The following SNX27 variants were observed in gnomAD, a reference collection of about 807,000 sequenced individuals.
The protein encoded by SNX27 is sorting nexin 27, also known as sorting nexin-27.
In SNX27, 22 loss-of-function variants were observed where a neutral mutation model predicts 71.6. The observed-to-expected ratio is 0.31, with a 90% CI of 0.22 to 0.44. SNX27 has a LOEUF of 0.44. Ranked by LOEUF, SNX27 falls within the 20% of genes least tolerant of loss-of-function variation. The probability of loss-of-function intolerance (pLI) is 1.00; values close to 1 mark genes in which losing one functional copy is unlikely to be tolerated. For synonymous variants in SNX27, 269 were observed against 277.2 expected (o/e 0.97, Z 0.29); for missense variants, 531 against 698.6 (o/e 0.76, Z 2.70).
At chr1:151,634,486 G>A (rs1445102112) in intron 1 of SNX27, among the ~76,000 whole-genome samples, 1 of 152,078 alleles carries the variant, frequency 6.6e-6, no homozygotes, top group Non-Finnish European at 1.5e-5. Flanking sequence ...AAATGTTTAT[G>A]TTAGCTTTGC....
intron 7 of SNX27, chr1:151,677,494 A>G (rs1487335161): frequency 6.6e-6 from 1 of 152,214 alleles, no homozygotes; most frequent in Non-Finnish European, 1.5e-5. Flanking sequence ...AACATTGCTG[A>G]GATCTGTTTT....
chr1:151,639,894 A>G (rs1668648923), intron 2 of SNX27, among the ~76,000 whole-genome samples: 1 of 152,206 alleles, frequency 6.6e-6, no homozygotes, highest in Non-Finnish European at 1.5e-5. Flanking sequence ...AGAAATGTTC[A>G]TTATTCTTAG....
chr1:151,691,760 C>T (rs1427376804), intron 8 of SNX27, among the ~76,000 whole-genome samples: 2 of 151,990 alleles, frequency 1.3e-5, no homozygotes, highest in Admixed American at 6.6e-5. Context: ...GTGATCCACC[C>T]GCCTCGGCCT....
intron 1 of SNX27, among the ~76,000 whole-genome samples, chr1:151,635,002 T>A (rs534425963): frequency 1.6e-4 from 25 of 152,356 alleles, no homozygotes; most frequent in Admixed American, 1.4e-3. Context: ...TCCAGTGGTC[T>A]TGTGAAGCTG....
chr1:151,641,660 CAG>C (rs1558046632), intron 2 of SNX27, among the ~76,000 whole-genome samples: 2 of 109,762 alleles, frequency 1.8e-5, no homozygotes, highest in African/African-American at 6.6e-5. Context: ...TCATATGTAT[CAG>C]ATATATATAT....
chr1:151,646,573 A>G (rs1394757314), intron 2 of SNX27, among the ~76,000 whole-genome samples: 1 of 149,250 alleles, frequency 6.7e-6, no homozygotes, highest in Non-Finnish European at 1.5e-5. Flanking sequence ...TTCAAATTAT[A>G]TATTTGAATT....
At position 151,612,315 on chromosome 1, in the gene SNX27, C is replaced by T. The variant is rs1439742592; in HGVS notation, c.114C>T (p.Gly38=). ...LHCAGNGGGG[G]GGPRVVRIVK... is the part of the protein sequence containing the mutation. ...GCGCCGGGAACGGCGGCGGGGGAGG[C>T]GGCGGCCCGCGGGTCGTGCGCATCG... The change falls in exon 1 of 12, where the codon GGC becomes GGT. Residue 38 remains glycine, a synonymous_variant. Coordinates refer to ENST00000458013, the MANE Select transcript of SNX27 (RefSeq NM_001330723.2). The surrounding 1 kb of genome is among the most constrained non-coding windows in gnomAD (Gnocchi z 5.2). 3 of 1,520,420 alleles carry T rather than the reference C, an allele frequency of 2.0e-6. No homozygotes were observed. Among genetic ancestry groups the T allele is most frequent in the South Asian group, 2.5e-5 (2 of 80,860 alleles). The allele number at this position is 1,520,420 out of a possible 1,614,324, so 94.2% of individuals were successfully genotyped here. A position where few individuals can be genotyped will look rare whatever the true frequency, so the allele number is the denominator to read the frequency against.
At chr1:151,665,152 G>A (rs1670137204) in intron 5 of SNX27, among the ~76,000 whole-genome samples, 1 of 152,072 alleles carries the variant, frequency 6.6e-6, no homozygotes, top group African/African-American at 2.4e-5. Flanking sequence ...TTATATTGAG[G>A]TTGATCTTGA....
intron 8 of SNX27, 49 bp downstream of exon 8, chr1:151,683,494 T>A: frequency 1.5e-6 from 2 of 1,374,396 alleles, no homozygotes; most frequent in Non-Finnish European, 2.0e-6. Flanking sequence ...TTCCTACCTT[T>A]AAAACCTATA....
chr1:151,642,336 G>A (rs1485772169), intron 2 of SNX27, among the ~76,000 whole-genome samples: 4 of 151,198 alleles, frequency 2.6e-5, no homozygotes, highest in Admixed American at 6.6e-5. Context: ...GCAGTGAGCC[G>A]AGATTGTGCC....
At chr1:151,638,169 G>T (rs1668556449) in intron 1 of SNX27, among the ~76,000 whole-genome samples, 1 of 152,202 alleles carries the variant, frequency 6.6e-6, no homozygotes, top group African/African-American at 2.4e-5. Context: ...AATTATAGGT[G>T]TATATTTTTT....
chr1:151,647,963 G>A (rs1414450432), intron 2 of SNX27, among the ~76,000 whole-genome samples: 5 of 151,018 alleles, frequency 3.3e-5, no homozygotes, highest in African/African-American at 1.2e-4. Context: ...TGTTTGTTGA[G>A]AAAAAATAAA....
intron 3 of SNX27, among the ~76,000 whole-genome samples, chr1:151,659,348 A>G (rs1329503287): frequency 1.3e-5 from 2 of 152,014 alleles, no homozygotes; most frequent in African/African-American, 2.4e-5. Flanking sequence ...CCCAGGTTCA[A>G]GCGATTCTCC....
intron 7 of SNX27, among the ~76,000 whole-genome samples, chr1:151,681,845 C>T (rs1003764863): frequency 2.0e-5 from 3 of 151,546 alleles, no homozygotes; most frequent in Admixed American, 6.8e-5. Context: ...TTAATTGTCT[C>T]CTGTTCCCTT....
intron 2 of SNX27, among the ~76,000 whole-genome samples, chr1:151,650,404 C>T (rs1669269798): frequency 6.6e-6 from 1 of 151,998 alleles, no homozygotes. Flanking sequence ...ATTTGTCCTG[C>T]TTGAGGAATA....
chr1:151,670,160 C>G (rs2102698466), intron 7 of SNX27, among the ~76,000 whole-genome samples: 1 of 152,252 alleles, frequency 6.6e-6, no homozygotes, highest in Middle Eastern at 3.4e-3. Flanking sequence ...TCTTTCTGTG[C>G]CTGGCTTATT....
chr1:151,676,472 AT>A (rs1159973455), intron 7 of SNX27: 8 of 150,354 alleles, frequency 5.3e-5, no homozygotes, highest in Non-Finnish European at 8.9e-5. Context: ...CACCCAGCTA[AT>A]TTTTGTATTT....
At chr1:151,651,576 G>A (rs1669379767) in intron 2 of SNX27, among the ~76,000 whole-genome samples, 1 of 151,930 alleles carries the variant, frequency 6.6e-6, no homozygotes, top group African/African-American at 2.4e-5. Context: ...GTCGCGGCCA[G>A]GCAGAGGTGC....
At chr1:151,644,902 G>C (rs576450328) in intron 2 of SNX27, among the ~76,000 whole-genome samples, 1 of 152,032 alleles carries the variant, frequency 6.6e-6, no homozygotes, top group East Asian at 1.9e-4. Flanking sequence ...GGGTTCAAGC[G>C]ATTCTCCTGC....
Sources: gnomAD v4.1 joint callset for allele counts (sites outside exome capture counted in the v4.1 genomes callset) on GRCh38, gnomAD v4.1.1 for gene constraint, Gnocchi (gnomAD v3.1) non-coding constraint, MANE v1.5 for transcripts, NCBI Gene and HGNC (gene_info 2026-07-23, HGNC 2026-07-21) for gene names.